The following CFAP410 variants were observed in gnomAD, a reference collection of about 807,000 sequenced individuals.
CFAP410 encodes the protein cilia and flagella associated protein 410.
Under a neutral mutation model 25.7 loss-of-function variants are expected in CFAP410, and 27 were observed. The observed-to-expected ratio is 1.05, with a 90% CI of 0.77 to 1.45. The LOEUF (loss-of-function observed/expected upper bound fraction) is 1.45. Ranked by LOEUF, CFAP410 falls within the 40% of genes most tolerant of loss-of-function variation. The pLI is 0.00. For synonymous variants in CFAP410, 178 were observed against 158.4 expected, an observed-to-expected ratio of 1.12 and a Z score of -0.93; for missense variants, 428 against 354.1, an observed-to-expected ratio of 1.21 and a Z score of -1.67.
chr21:44,338,382 C>T (rs1307370108), intron 1 of CFAP410: 3 of 1,123,036 alleles, frequency 2.7e-6, no homozygotes, highest in African/African-American at 1.6e-5. Context: ...CAACTCCAGG[C>T]TCCCTCTTCT....
intron 5 of CFAP410, chr21:44,331,208 C>T (rs958226685): frequency 2.0e-6 from 1 of 512,304 alleles, no homozygotes; most frequent in South Asian, 2.8e-5. Context: ...TGGGGGGCAC[C>T]CGAACACACA....
chr21:44,331,748 G>C (rs1036591930), intron 5 of CFAP410, 95 bp downstream of exon 5: 14 of 1,195,254 alleles, frequency 1.2e-5, no homozygotes, highest in African/African-American at 3.1e-5. Flanking sequence ...TCACTTCCCA[G>C]AGACGCAGCT....
At chr21:44,330,454 GTGAC>G (rs1430842537) in intron 6 of CFAP410, 128 bp from the exon 7 acceptor site, 2 of 1,534,962 alleles carry the variant, frequency 1.3e-6, no homozygotes, top group Non-Finnish European at 1.8e-6. Context: ...GGCCGTCCAA[GTGAC>G]TGACCGGCAC....
intron 3 of CFAP410, chr21:44,333,572 A>G (rs968343281): frequency 2.0e-6 from 1 of 491,976 alleles, no homozygotes; most frequent in Non-Finnish European, 3.6e-6. Context: ...CCTCCTTCAC[A>G]GGTGAGGAAA....
At chr21:44,332,406 T>C (rs941558436) in intron 4 of CFAP410, 1 of 186,262 alleles carries the variant, frequency 5.4e-6, no homozygotes, top group Non-Finnish European at 1.1e-5. Context: ...GAGAAAATAG[T>C]GGTGTCTGTA....
intron 3 of CFAP410, chr21:44,334,913 T>A (rs2047724470): frequency 6.4e-6 from 1 of 155,468 alleles, no homozygotes; most frequent in African/African-American, 2.4e-5. Flanking sequence ...GGGGCTGGCC[T>A]ACCCCGTGGC....
At chr21:44,332,300 A>C in intron 4 of CFAP410, 3 of 377,652 alleles carry the variant, frequency 7.9e-6, no homozygotes, top group Non-Finnish European at 9.4e-6. Context: ...CTAAGACACA[A>C]TAGAAAAAGG....
In CFAP410 at chr21:44,332,028, G is replaced by C. The variant is rs1163964548; in HGVS notation, c.374-14C>G. On this transcript the variant is annotated splice_polypyrimidine_tract_variant and intron_variant, in intron 4 of 6. Transcript: ENST00000339818. ...CCTCCGTCACAGCTTTGGGATGAAA[G>C]ACAGAAGACAGCATGAGTGGCCTCA... The C allele has an allele frequency of 1.3e-6, 2 of 1,585,866 alleles. No individual in the cohort carries two copies. Among genetic ancestry groups the C allele is most frequent in the Admixed American group, 1.8e-5 (1 of 56,126 alleles).
Position 44,329,507 on chromosome 21 carries a change from TC to T in CFAP410, c.*690del, listed in dbSNP as rs759959014. The T allele has an allele frequency of 6.6e-6, 1 of 152,204 alleles. No individual in the cohort carries two copies. Among genetic ancestry groups the T allele is most frequent in the African/African-American group, 2.4e-5 (1 of 41,430 alleles). 9.4% of individuals were successfully genotyped at this position (152,204 alleles called of 1,614,324 possible). On this transcript the variant is annotated 3_prime_UTR_variant, in exon 7 of 7. Coordinates refer to ENST00000339818, the MANE Select transcript of CFAP410 (RefSeq NM_004928.3). ...AACCCCTCTCAGATGCTCCAAGGAC[TC>T]CCCTAGTCTAGCTGCTTCCTGTGCC...
chr21:44,337,624 CT>C, intron 2 of CFAP410, 24 bp downstream of exon 2: 1 of 1,608,750 alleles, frequency 6.2e-7, no homozygotes, highest in East Asian at 2.2e-5. Flanking sequence ...CAGTGCAATA[CT>C]TACATCTGTG....
Position 44,330,091 on chromosome 21 carries a change from T to C in CFAP410, c.*107A>G, listed in dbSNP as rs921792952. ...CCGATGTGGCAAACCGGGGAGGCTTTTGTGTGGGGCCGGGGCTGCGGCCAT... is the reference window on the plus strand; with the variant it reads ...CCGATGTGGCAAACCGGGGAGGCTTCTGTGTGGGGCCGGGGCTGCGGCCAT... On this transcript the variant is annotated 3_prime_UTR_variant, in exon 7 of 7. Coordinates refer to ENST00000339818, the MANE Select transcript of CFAP410 (RefSeq NM_004928.3). 23 of 1,318,600 alleles carry C rather than the reference T, an allele frequency of 1.7e-5. No individual in the cohort carries two copies. The highest frequency in any genetic ancestry group is 2.2e-5 in the Admixed American group (1 of 44,508). The allele number at this position is 1,318,600 out of a possible 1,614,324, so 81.7% of individuals were successfully genotyped here.
rs2047716160 is a variant in CFAP410, at chr21:44,334,523, C to CCTCAACCTCTGGGCGGGCACGCGCA, written c.143+1234_143+1235insTGCGCGTGCCCGCCCAGAGGTTGAG. The CCTCAACCTCTGGGCGGGCACGCGCA allele has an allele frequency of 2.2e-3, 393 of 176,766 alleles. 16 individuals are homozygous for CCTCAACCTCTGGGCGGGCACGCGCA. Among genetic ancestry groups the CCTCAACCTCTGGGCGGGCACGCGCA allele is most frequent in the African/African-American group, 9.8e-3 (99 of 10,090 alleles). The allele number at this position is 176,766 out of a possible 1,614,324, so 10.9% of individuals were successfully genotyped here. A position where few individuals can be genotyped will look rare whatever the true frequency, so the allele number is the denominator to read the frequency against. ...CCTCTGGGCGGGCACGCGCACCCCCCCCCCCCCCCCGCTCAACCTCTGGGC... is the reference window on the plus strand; with the variant it reads ...CCTCTGGGCGGGCACGCGCACCCCCCCTCAACCTCTGGGCGGGCACGCGCACCCCCCCCCCGCTCAACCTCTGGGC... On this transcript the variant is annotated intron_variant, in intron 3 of 6. Transcript: ENST00000339818.
At chr21:44,330,638 CGT>C (rs1568984494) in intron 6 of CFAP410, 183 bp downstream of exon 6, 4 of 1,548,860 alleles carry the variant, frequency 2.6e-6, no homozygotes, top group African/African-American at 1.4e-5. Flanking sequence ...ACGTGTTACA[CGT>C]GTGTGCGCAT....
intron 5 of CFAP410, chr21:44,331,534 G>A (rs2047648154): frequency 2.6e-6 from 1 of 391,284 alleles, no homozygotes; most frequent in Non-Finnish European, 4.6e-6. Context: ...CCCCCACCAG[G>A]GGCTCCCTGC....
rs374674790 is a variant in CFAP410, at chr21:44,330,359, C to T, written c.643-33G>A. On this transcript the variant is annotated intron_variant, in intron 6 of 6. Coordinates refer to ENST00000339818, the MANE Select transcript of CFAP410 (RefSeq NM_004928.3). ...CAGAGGGGTGCGGACTAAGCCCACC[C>T]GGCACGGCGAGGCTGCTTCCCTCCA... 9.1e-5 allele frequency: 145 copies of T among 1,594,694 alleles called. No individual in the cohort carries two copies. Among genetic ancestry groups the T allele is most frequent in the Non-Finnish European group, 1.0e-4 (117 of 1,166,986 alleles).
Position 44,335,367 on chromosome 21 carries a change from G to A in CFAP410, c.143+391C>T, listed in dbSNP as rs953174821. The A allele has an allele frequency of 6.1e-5, 16 of 261,876 alleles. No individual in the cohort carries two copies. The Admixed American group carries it at 7.5e-4, about 12-fold the overall frequency. The allele number at this position is 261,876 out of a possible 1,614,324, so 16.2% of individuals were successfully genotyped here. On this transcript the variant is annotated intron_variant, in intron 3 of 6. Coordinates refer to ENST00000339818, the MANE Select transcript of CFAP410 (RefSeq NM_004928.3). ...GGGGGGCAGAAGAGGCCAGGACTCTGGGGGTCCCAGGGCAGATGTGGCCAC... is the reference window on the plus strand; with the variant it reads ...GGGGGGCAGAAGAGGCCAGGACTCTAGGGGTCCCAGGGCAGATGTGGCCAC...
At position 44,339,129 on chromosome 21, in the gene CFAP410, C is replaced by G. The variant is rs557082104; in HGVS notation, c.66G>C (p.Lys22Asn). ...AKASELHSVR[K>N]LNCWGSRLTD... Reference sequence around the variant, plus strand: ...AGGCCCCGCCTCACCAGCAGTTGAGCTTGCGCACGCTGTGCAGCTCCGAGG... The same window carrying G: ...AGGCCCCGCCTCACCAGCAGTTGAGGTTGCGCACGCTGTGCAGCTCCGAGG... Residue 22 changes from lysine to asparagine, a missense_variant, in exon 1 of 7, where the codon AAG becomes AAC. Coordinates refer to ENST00000339818, the MANE Select transcript of CFAP410 (RefSeq NM_004928.3). The G allele has an allele frequency of 2.7e-6, 4 of 1,460,804 alleles. No homozygotes were observed. The highest frequency in any genetic ancestry group is 1.8e-4 in the Middle Eastern group (1 of 5,434). The allele number at this position is 1,460,804 out of a possible 1,614,324, so 90.5% of individuals were successfully genotyped here. A position where few individuals can be genotyped will look rare whatever the true frequency, so the allele number is the denominator to read the frequency against.
intron 3 of CFAP410, chr21:44,335,453 C>G (rs779681554): frequency 3.0e-5 from 13 of 433,804 alleles, no homozygotes; most frequent in Non-Finnish European, 5.4e-5. Flanking sequence ...ACCGACTGGC[C>G]CAGTGAACAC....
intron 3 of CFAP410, chr21:44,333,509 C>T (rs2047691570): frequency 5.2e-6 from 3 of 578,430 alleles, no homozygotes; most frequent in Middle Eastern, 4.5e-4. Context: ...CTTGGCCCGA[C>T]GCTCCACATC....
Sources: allele counts gnomAD v4.1 joint callset, GRCh38; gene constraint gnomAD v4.1.1; transcripts MANE v1.5; gene names NCBI Gene and HGNC (gene_info 2026-07-23, HGNC 2026-07-21).